IFT172: variants seen among roughly 807,000 people sequenced by gnomAD.
IFT172 encodes intraflagellar transport 172.
In IFT172, 164 loss-of-function variants were observed where a neutral mutation model predicts 248.9. The observed-to-expected ratio is 0.66, with a 90% CI of 0.58 to 0.75. The LOEUF (loss-of-function observed/expected upper bound fraction) is 0.75, where lower values mean the gene tolerates loss of function less well. IFT172 is among the 30% of genes least tolerant of loss of function. The probability of loss-of-function intolerance (pLI) is 0.00; values close to 1 mark genes in which losing one functional copy is unlikely to be tolerated. For missense variants in IFT172, 1,950 were observed against 2,192.4 expected (o/e 0.89, Z 2.21); for synonymous variants, 729 against 791.6 (o/e 0.92, Z 1.33).
At chr2:27,476,918 G>A (rs1193011865) in intron 13 of IFT172, 192 bp from the exon 14 acceptor site, 2 of 592,286 alleles carry the variant, frequency 3.4e-6, no homozygotes, top group Non-Finnish European at 6.0e-6. Flanking sequence ...GACTTCCCAG[G>A]CTCCGGGTGA....
rs749766704 is a variant in IFT172 at position 27,461,256 on chromosome 2, G to A, written c.2442+13C>T. 10 of 1,613,454 alleles carry A rather than the reference G, an allele frequency of 6.2e-6. No homozygotes were observed. The Admixed American group carries it at 1.7e-4, about 27-fold the overall frequency. ...CTCTGGAGATAAGGGCTAGGAAAAG[G>A]AAGCCAGCATACCCTTTCGTAGAGT... On this transcript the variant is annotated intron_variant, in intron 22 of 47. Transcript: ENST00000260570.
At chr2:27,467,004 C>G (rs1186531814) in intron 16 of IFT172, among the ~76,000 whole-genome samples, 1 of 151,692 alleles carries the variant, frequency 6.6e-6, no homozygotes, top group Non-Finnish European at 1.5e-5. Flanking sequence ...AAAGTGAGAC[C>G]CTGTTTTTTT....
rs1558381651 is a variant in IFT172 at position 27,461,480 on chromosome 2, TA to T, written c.2230del (p.Tyr744ThrfsTer4). Reference sequence around the variant, plus strand: ...TTGCTGTGTGTCCATCAGCCACTGGTAGTAACTACGACGTAGCTTCTCCAGG... The same window carrying T: ...TTGCTGTGTGTCCATCAGCCACTGGTGTAACTACGACGTAGCTTCTCCAGG... The part of the protein sequence containing the change: ...PALEKLRRSY[Y>X]QWLMDTQQEE... On this transcript the variant is annotated frameshift_variant, in exon 22 of 48. Transcript: ENST00000260570. LOFTEE classifies it high-confidence loss of function. The T allele has an allele frequency of 6.2e-7, 1 of 1,614,082 alleles. No homozygotes were observed. Among genetic ancestry groups the T allele is most frequent in the East Asian group, 2.2e-5 (1 of 44,874 alleles).
chr2:27,466,061 C>G, intron 16 of IFT172, 179 bp from the exon 17 acceptor site: 1 of 706,408 alleles, frequency 1.4e-6, no homozygotes, highest in Non-Finnish European at 2.4e-6. Context: ...ATAGCAATAT[C>G]CTTGGGTTAA....
At position 27,479,535 on chromosome 2, in the gene IFT172, C is replaced by G; in HGVS notation, c.979G>C (p.Glu327Gln). 7 of 1,612,498 alleles carry G rather than the reference C, an allele frequency of 4.3e-6. No individual in the cohort carries two copies. The highest frequency in any genetic ancestry group is 5.9e-6 in the Non-Finnish European group (7 of 1,178,544). The change falls in exon 10 of 48, where the codon GAG becomes CAG. Residue 327 changes from glutamate to glutamine, a missense_variant. Transcript: ENST00000260570. ...TGGCTAGGTCCCACATACGTCAACTCAAACTTGTTCTTGTAAATACTCCTT... is the reference window on the plus strand; with the variant it reads ...TGGCTAGGTCCCACATACGTCAACTGAAACTTGTTCTTGTAAATACTCCTT... The part of the protein sequence containing the change: ...LRRSIYKNKF[E>Q]LTYVGPSQVI...
intron 10 of IFT172, 127 bp from the exon 11 acceptor site, chr2:27,478,283 G>T: frequency 9.9e-7 from 1 of 1,013,616 alleles, no homozygotes; most frequent in African/African-American, 1.6e-5. Flanking sequence ...CTGGGTCTAG[G>T]ATATTGTTGA....
At chr2:27,465,226 T>C in intron 18 of IFT172, 185 bp downstream of exon 18, 1 of 614,936 alleles carries the variant, frequency 1.6e-6, no homozygotes, top group South Asian at 1.9e-5. Flanking sequence ...GGTCAAGGCA[T>C]ACTCTTATAA....
chr2:27,483,288 C>T lies in IFT172; in HGVS notation c.570+1G>A. On this transcript the variant is annotated splice_donor_variant, in intron 7 of 47. Transcript: ENST00000260570. LOFTEE classifies it high-confidence loss of function. ...CCTCCCACAACATTCTTTATTCATA[C>T]CTGTGACTCTCCAGAGCCTTCATCA... The T allele has an allele frequency of 1.9e-6, 3 of 1,541,018 alleles. No individual in the cohort carries two copies. In the South Asian group the frequency reaches 3.4e-5, roughly 17 times the overall value.
At chr2:27,473,404 C>T (rs997265585) in intron 14 of IFT172, among the ~76,000 whole-genome samples, 5 of 148,782 alleles carry the variant, frequency 3.4e-5, no homozygotes, top group Admixed American at 6.7e-5. Context: ...ATGATAAAGC[C>T]GTATTTTTTT....
chr2:27,472,407 T>A (rs751457390), intron 14 of IFT172, 45 bp from the exon 15 acceptor site: 1 of 1,439,566 alleles, frequency 6.9e-7, no homozygotes, highest in South Asian at 1.2e-5. Flanking sequence ...ATTCCACACA[T>A]ATACATAGTA....
chr2:27,480,920 C>T (rs761248513), intron 8 of IFT172, 126 bp downstream of exon 8: 129 of 701,552 alleles, frequency 1.8e-4, no homozygotes, highest in Non-Finnish European at 2.9e-4. Flanking sequence ...AAGAGGAAAG[C>T]GCATGAATTA....
At position 27,458,209 on chromosome 2, in the gene IFT172, G is replaced by T; in HGVS notation, c.2892C>A (p.Cys964Ter). The T allele has an allele frequency of 1.2e-6, 2 of 1,614,116 alleles. No homozygotes were observed. Among genetic ancestry groups the T allele is most frequent in the Non-Finnish European group, 1.7e-6 (2 of 1,179,998 alleles). Residue 964 changes from cysteine (C) to a stop codon, truncating the protein, a stop_gained, in exon 27 of 48, where the codon TGC becomes TGA. Coordinates refer to ENST00000260570, the MANE Select transcript of IFT172 (RefSeq NM_015662.3). LOFTEE classifies it high-confidence loss of function. ...WEQAHKLAMKCMRPEDVSVLY... is the reference protein window; with the variant it reads ...WEQAHKLAMK Reference sequence around the variant, plus strand: ...GCACTGACACATCTTCTGGTCTCATGCATTTCATCGCCAGCTGTGGAGGCA... The same window carrying T: ...GCACTGACACATCTTCTGGTCTCATTCATTTCATCGCCAGCTGTGGAGGCA...
chr2:27,462,965 C>A, intron 19 of IFT172, 132 bp downstream of exon 19: 1 of 1,181,834 alleles, frequency 8.5e-7, no homozygotes, highest in Non-Finnish European at 1.2e-6. Flanking sequence ...AATGGTCTGA[C>A]TTGAGGGTAA....
chr2:27,445,636 A>G lies in IFT172; in HGVS notation c.4914+109T>C, dbSNP rs984885029. The G allele has an allele frequency of 1.4e-5, 19 of 1,405,334 alleles. No homozygotes were observed. In the East Asian group the frequency reaches 4.4e-4, roughly 32 times the overall value. 87.1% of individuals were successfully genotyped at this position (1,405,334 alleles called of 1,614,324 possible). ...TATTTTGCTTCTACTTTCACTGAAA[A>G]AACAGTGAGGGCTGAGGTCCTTCCA... On this transcript the variant is annotated intron_variant, in intron 45 of 47. Coordinates refer to ENST00000260570, the MANE Select transcript of IFT172 (RefSeq NM_015662.3). The surrounding 1 kb of genome is among the most constrained non-coding windows in gnomAD (Gnocchi z 4.4).
chr2:27,474,154 G>A (rs754745731), intron 14 of IFT172, among the ~76,000 whole-genome samples: 1 of 152,198 alleles, frequency 6.6e-6, no homozygotes, highest in Admixed American at 6.5e-5. Flanking sequence ...CCTACAGAGT[G>A]AAATTGCTTG....
intron 37 of IFT172, 27 bp from the exon 38 acceptor site, chr2:27,449,589 C>A (rs77876269): frequency 2.5e-6 from 4 of 1,613,952 alleles, no homozygotes; most frequent in Non-Finnish European, 3.4e-6. Context: ...AGAGCTCCAT[C>A]TTCATGTTCC....
chr2:27,446,687 T>TTTA (rs1375813233), intron 42 of IFT172, among the ~76,000 whole-genome samples: 1 of 117,604 alleles, frequency 8.5e-6, no homozygotes, highest in Non-Finnish European at 1.7e-5. Flanking sequence ...CTAATTTTTT[T>TTTA]TTTTTTTTTT....
intron 13 of IFT172, chr2:27,476,990 A>C: frequency 1.7e-6 from 1 of 590,272 alleles, no homozygotes; most frequent in Non-Finnish European, 3.0e-6. Flanking sequence ...TGCCTGGATA[A>C]TTTTTTGTAT....
intron 35 of IFT172, among the ~76,000 whole-genome samples, chr2:27,451,978 T>C (rs1665715377): frequency 8.6e-6 from 1 of 116,708 alleles, no homozygotes; most frequent in South Asian, 2.6e-4. Context: ...TATATATATG[T>C]ATGTGTGTGT....
Sources: gnomAD v4.1 joint callset for allele counts (sites outside exome capture counted in the v4.1 genomes callset) on GRCh38, gnomAD v4.1.1 for gene constraint, Gnocchi (gnomAD v3.1) non-coding constraint, MANE v1.5 for transcripts, NCBI Gene and HGNC (gene_info 2026-07-23, HGNC 2026-07-21) for gene names.